The following ZNF362 variants were observed in gnomAD, a reference collection of about 807,000 sequenced individuals.
ZNF362 encodes the protein zinc finger protein 362.
Under a neutral mutation model 42.9 loss-of-function variants are expected in ZNF362, and 11 were observed. That is an observed-to-expected ratio of 0.26 (90% CI 0.16 to 0.42). The LOEUF is 0.42. Ranked by LOEUF, ZNF362 falls within the 20% of genes least tolerant of loss-of-function variation. ZNF362 has a pLI of 1.00. For missense variants in ZNF362, 362 were observed against 576.2 expected (o/e 0.63, Z 3.81); for synonymous variants, 255 against 257.3 (o/e 0.99, Z 0.09).
chr1:33,218,931 A>G, the ZNF362 span, among the ~76,000 whole-genome samples: 1 of 72,092 alleles, frequency 1.4e-5, no homozygotes, highest in East Asian at 3.4e-4. Flanking sequence ...GGAGCTGGAC[A>G]TACACACACA....
the ZNF362 span, among the ~76,000 whole-genome samples, chr1:33,186,261 G>T: frequency 0.69 from 104,360 of 151,908 alleles, 36,308 homozygotes; most frequent in Non-Finnish European, 0.74. Flanking sequence ...GACTTATTTG[G>T]TGCGAACCGT....
chr1:33,232,096 T>G, the ZNF362 span, among the ~76,000 whole-genome samples: 8 of 152,242 alleles, frequency 5.3e-5, no homozygotes, highest in South Asian at 1.7e-3. Flanking sequence ...CTCCTCAGTA[T>G]TGGGGCATGA....
chr1:33,170,943 A>G, the ZNF362 span, among the ~76,000 whole-genome samples: 1 of 152,226 alleles, frequency 6.6e-6, no homozygotes, highest in South Asian at 2.1e-4. Context: ...CTCGGGAGAC[A>G]GAGCGGTCAC....
chr1:33,262,979 C>T (rs2148066425), intron 1 of ZNF362, among the ~76,000 whole-genome samples: 1 of 152,366 alleles, frequency 6.6e-6, no homozygotes, highest in African/African-American at 2.4e-5. Context: ...CGTGCACTCT[C>T]CTGGGAAACA....
chr1:33,293,783 G>A (rs1450975739), intron 6 of ZNF362, among the ~76,000 whole-genome samples: 2 of 152,154 alleles, frequency 1.3e-5, no homozygotes, highest in South Asian at 4.1e-4. Flanking sequence ...GCCACTATTA[G>A]TGCATGCCAG....
the ZNF362 span, among the ~76,000 whole-genome samples, chr1:33,216,856 G>A: frequency 6.6e-6 from 1 of 151,880 alleles, no homozygotes; most frequent in Non-Finnish European, 1.5e-5. Context: ...GGCAAGGGCT[G>A]CAAATGGAGG....
chr1:33,171,146 G>A, the ZNF362 span, among the ~76,000 whole-genome samples: 68 of 152,328 alleles, frequency 4.5e-4, no homozygotes, highest in Non-Finnish European at 7.8e-4. Context: ...CGGCCACACA[G>A]CTTGACACAG....
At chr1:33,174,968 TAC>T in the ZNF362 span, among the ~76,000 whole-genome samples, 834 of 124,910 alleles carry the variant, frequency 6.7e-3, 4 homozygotes, top group African/African-American at 0.019. Context: ...TATATATATA[TAC>T]ACACATATAC....
rs974692434 is a variant in ZNF362 at position 33,280,932 on chromosome 1, G to A, written c.683+475G>A. ...AAAAATACAAAAGTTAGCCGGGCAT[G>A]GTGGTGCGCCCCTGTAATCCTAGCT... On this transcript the variant is annotated intron_variant, in intron 5 of 8. Transcript: ENST00000539719. This position sits in a 1 kb window ranked among gnomAD's most constrained non-coding sequence, Gnocchi z 5.6. 7.2e-5 allele frequency among the ~76,000 whole-genome samples: 11 copies of A among 152,152 alleles called. 1 individual carries two copies. Among genetic ancestry groups the A allele is most frequent in the Middle Eastern group, 3.2e-3 (1 of 316 alleles).
At chr1:33,226,868 A>C in the ZNF362 span, among the ~76,000 whole-genome samples, 1 of 152,218 alleles carries the variant, frequency 6.6e-6, no homozygotes, top group East Asian at 1.9e-4. Context: ...CTGTCTCAAA[A>C]ACAAAAAGCA....
chr1:33,130,484 C>G, the ZNF362 span, among the ~76,000 whole-genome samples: 1 of 152,140 alleles, frequency 6.6e-6, no homozygotes, highest in Non-Finnish European at 1.5e-5. Context: ...TGTCAAAGAA[C>G]AGATGACTAA....
chr1:33,265,551 A>C (rs4303045), intron 1 of ZNF362, among the ~76,000 whole-genome samples: 151,207 of 152,116 alleles, frequency 0.99, 75,160 homozygotes, highest in Middle Eastern at 1. Context: ...GCTGGCCAGG[A>C]CTGCCCAAAG....
At chr1:33,134,153 G>A in the ZNF362 span, among the ~76,000 whole-genome samples, 3 of 152,200 alleles carry the variant, frequency 2.0e-5, no homozygotes, top group Admixed American at 2.0e-4. Context: ...CAGGCATGTG[G>A]CCCAGCCCCG....
At chr1:33,177,796 G>A in the ZNF362 span, among the ~76,000 whole-genome samples, 16 of 152,272 alleles carry the variant, frequency 1.1e-4, no homozygotes, top group East Asian at 1.9e-3. This position sits in a 1 kb window ranked among gnomAD's most constrained non-coding sequence, Gnocchi z 4.1. Context: ...TGCCGAGTAC[G>A]ATGTAACCTA....
At chr1:33,211,969 C>A in the ZNF362 span, among the ~76,000 whole-genome samples, 1 of 152,322 alleles carries the variant, frequency 6.6e-6, no homozygotes, top group Admixed American at 6.5e-5. Context: ...CCACCCAAAT[C>A]TCACATTCAA....
upstream of ZNF362, chr1:33,256,450 C>CCCGCCGCCGCCGCCGCCGCCGCCG (rs761575797): frequency 1.3e-5 from 2 of 153,526 alleles, no homozygotes; most frequent in Non-Finnish European, 2.6e-5. Context: ...GACCCAGCCT[C>CCCGCCGCCGCCGCCGCCGCCGCCG]CCGCCGCCGC....
At chr1:33,196,433 G>T in the ZNF362 span, among the ~76,000 whole-genome samples, 5 of 151,982 alleles carry the variant, frequency 3.3e-5, no homozygotes, top group African/African-American at 9.7e-5. Context: ...ACAAACATAT[G>T]CATTAGCCTA....
chr1:33,262,556 C>T (rs139835523), intron 1 of ZNF362, among the ~76,000 whole-genome samples: 2,786 of 152,198 alleles, frequency 0.018, 80 homozygotes, highest in African/African-American at 0.061. Flanking sequence ...ATCCATCCGC[C>T]TTGGCCTCCC....
At chr1:33,192,088 G>A in the ZNF362 span, among the ~76,000 whole-genome samples, 1 of 152,122 alleles carries the variant, frequency 6.6e-6, no homozygotes, top group Non-Finnish European at 1.5e-5. Context: ...GGAAATTAGG[G>A]GATTTTAAAA....
Sources: allele counts gnomAD v4.1 joint callset (sites outside exome capture counted in the v4.1 genomes callset), GRCh38; gene constraint gnomAD v4.1.1; non-coding constraint Gnocchi (gnomAD v3.1); transcripts MANE v1.5; gene names NCBI Gene and HGNC (gene_info 2026-07-23, HGNC 2026-07-21).